Variants in SDK1 observed in about 807,000 individuals in gnomAD.
SDK1 encodes the protein sidekick cell adhesion molecule 1, also known as protein sidekick-1.
A neutral mutation model predicts 245.5 loss-of-function variants in SDK1; 157 were observed. The observed-to-expected ratio is 0.64, with a 90% CI of 0.56 to 0.73. The LOEUF (loss-of-function observed/expected upper bound fraction) is 0.73. Among genes scored for constraint, SDK1 ranks in the 30% least tolerant of loss-of-function variants. The pLI, the probability that SDK1 is intolerant of heterozygous loss-of-function variation, is 0.00. For missense variants in SDK1, 3,583 were observed against 3,002.3 expected, an observed-to-expected ratio of 1.19 and a Z score of -4.52; for synonymous variants, 1,647 against 1,278.5, an observed-to-expected ratio of 1.29 and a Z score of -6.15.
At chr7:4,220,035 G>A (rs1387344405) in intron 38 of SDK1, 74 bp from the exon 39 acceptor site, 16 of 1,514,058 alleles carry the variant, frequency 1.1e-5, no homozygotes, top group East Asian at 4.6e-5. Flanking sequence ...CCTTGTTATC[G>A]CAACAGAACA....
chr7:3,780,518 C>A (rs1275205213), intron 4 of SDK1, among the ~76,000 whole-genome samples: 1 of 152,216 alleles, frequency 6.6e-6, no homozygotes. Flanking sequence ...TAAAGCTAAG[C>A]TGGTTGCCTT....
intron 1 of SDK1, among the ~76,000 whole-genome samples, chr7:3,339,087 A>G (rs1780277756): frequency 6.6e-6 from 1 of 152,222 alleles, no homozygotes; most frequent in Non-Finnish European, 1.5e-5. Context: ...TGACACAGGT[A>G]GGTTGAAAGT....
chr7:3,812,568 T>C (rs1167910570), intron 4 of SDK1, among the ~76,000 whole-genome samples: 1 of 152,200 alleles, frequency 6.6e-6, no homozygotes, highest in Non-Finnish European at 1.5e-5. Flanking sequence ...ACAATGACTC[T>C]CCTAGAAAAG....
intron 1 of SDK1, among the ~76,000 whole-genome samples, chr7:3,453,343 G>A (rs1332140064): frequency 6.6e-6 from 1 of 152,170 alleles, no homozygotes; most frequent in Non-Finnish European, 1.5e-5. Flanking sequence ...GCCAAATAAT[G>A]TTATTCCTCA....
At chr7:3,819,851 G>T (rs2115058269) in intron 4 of SDK1, among the ~76,000 whole-genome samples, 1 of 152,162 alleles carries the variant, frequency 6.6e-6, no homozygotes, top group Middle Eastern at 3.4e-3. Flanking sequence ...CTCTGCAAAA[G>T]GTAGCAGGAA....
intron 4 of SDK1, among the ~76,000 whole-genome samples, chr7:3,670,051 C>G (rs149179260): frequency 2.6e-5 from 4 of 152,320 alleles, no homozygotes; most frequent in Admixed American, 6.5e-5. Flanking sequence ...CACAAATCTA[C>G]TCACATCATT....
chr7:4,246,190 G>C (rs1369277010), intron 44 of SDK1, among the ~76,000 whole-genome samples: 1 of 152,232 alleles, frequency 6.6e-6, no homozygotes. Flanking sequence ...TGCAGTGAGA[G>C]ATAGGCAAGG....
chr7:3,879,219 A>C (rs1781147810), intron 5 of SDK1, among the ~76,000 whole-genome samples: 2 of 152,192 alleles, frequency 1.3e-5, no homozygotes, highest in African/African-American at 4.8e-5. Context: ...TAAGGACAAA[A>C]CATGGCGGCT....
At chr7:4,018,493 A>T (rs1786600764) in intron 17 of SDK1, among the ~76,000 whole-genome samples, 2 of 152,246 alleles carry the variant, frequency 1.3e-5, no homozygotes, top group South Asian at 4.1e-4. Flanking sequence ...TATGCAAGTA[A>T]TTCTTGATTA....
chr7:3,466,405 A>G (rs913581833), intron 1 of SDK1, among the ~76,000 whole-genome samples: 4 of 149,702 alleles, frequency 2.7e-5, no homozygotes, highest in Non-Finnish European at 5.9e-5. Context: ...GAAATGCTGC[A>G]TGCTCACTTG....
In SDK1 at chr7:3,358,187, A is replaced by G. The variant is rs575144360; in HGVS notation, c.298+56303A>G. The stretch of plus-strand genomic sequence containing the variant: ...CAGGCCCATGCCACCACCCCCAGCT[A>G]ATTTTTGTATTTTTAGTAGAGGCAG... On this transcript the variant is annotated intron_variant, in intron 1 of 44. Transcript: ENST00000404826. Among the ~76,000 whole-genome samples, 3 of 151,904 alleles carry G rather than the reference A, an allele frequency of 2.0e-5. No individual in the cohort carries two copies. The South Asian group carries it at 6.3e-4, about 32-fold the overall frequency.
chr7:3,806,451 T>C (rs1224090608), intron 4 of SDK1, among the ~76,000 whole-genome samples: 1 of 152,252 alleles, frequency 6.6e-6, no homozygotes, highest in Non-Finnish European at 1.5e-5. Flanking sequence ...AACAGACGGC[T>C]AAAGAGTTGG....
Position 3,838,120 on chromosome 7 carries a change from G to C in SDK1, c.847+16537G>C, listed in dbSNP as rs77633707. 4.6e-3 allele frequency among the ~76,000 whole-genome samples: 699 copies of C among 152,338 alleles called. 7 individuals carry two copies. The highest frequency in any genetic ancestry group is 0.016 in the African/African-American group (655 of 41,580). On this transcript the variant is annotated intron_variant, in intron 5 of 44. Coordinates refer to ENST00000404826, the MANE Select transcript of SDK1 (RefSeq NM_152744.4). ...CCGCTTAGTCATTTGCCAGGCTGTT[G>C]CATTGCATGCATTCATGGTCTATAG...
rs113292731 is a variant in SDK1 at position 3,699,102 on chromosome 7, G to A, written c.713+56997G>A. On this transcript the variant is annotated intron_variant, in intron 4 of 44. Transcript: ENST00000404826. ...CTGCCACCTGGCAGAAATGAAGGGCGGCACTTCTCTTGGATTCCTACTAGT... is the reference window on the plus strand; with the variant it reads ...CTGCCACCTGGCAGAAATGAAGGGCAGCACTTCTCTTGGATTCCTACTAGT... Among the ~76,000 whole-genome samples, 1,309 of 152,228 alleles carry A rather than the reference G, an allele frequency of 8.6e-3. 21 individuals carry two copies. The highest frequency in any genetic ancestry group is 0.029 in the African/African-American group (1,189 of 41,538).
chr7:4,085,018 C>T (rs920797201), intron 22 of SDK1, among the ~76,000 whole-genome samples: 6 of 152,150 alleles, frequency 3.9e-5, no homozygotes, highest in Non-Finnish European at 7.4e-5. Flanking sequence ...CCTGCCTTGG[C>T]CTCCCAAAGT....
intron 1 of SDK1, among the ~76,000 whole-genome samples, chr7:3,582,307 C>T (rs1427623873): frequency 6.7e-6 from 1 of 149,470 alleles, no homozygotes; most frequent in African/African-American, 2.5e-5. Flanking sequence ...AGGTCTCCCT[C>T]AGGTAGGTCT....
At chr7:4,205,632 G>T (rs746802338) in intron 35 of SDK1, among the ~76,000 whole-genome samples, 1 of 152,202 alleles carries the variant, frequency 6.6e-6, no homozygotes, top group African/African-American at 2.4e-5. Flanking sequence ...TAAGAACATC[G>T]TATGGGAAGG....
At chr7:4,242,053 C>T (rs1226226406) in intron 43 of SDK1, 140 bp downstream of exon 43, 5 of 969,054 alleles carry the variant, frequency 5.2e-6, no homozygotes, top group Non-Finnish European at 7.5e-6. Context: ...CAAGTGCGCT[C>T]CCAAACCACC....
chr7:3,764,323 C>T (rs1339819543), intron 4 of SDK1, among the ~76,000 whole-genome samples: 2 of 152,136 alleles, frequency 1.3e-5, no homozygotes, highest in South Asian at 2.1e-4. Flanking sequence ...GACAAAATAC[C>T]CCCCTTTTTT....
Sources: gnomAD v4.1 joint callset for allele counts (sites outside exome capture counted in the v4.1 genomes callset) on GRCh38, gnomAD v4.1.1 for gene constraint, MANE v1.5 for transcripts, NCBI Gene and HGNC (gene_info 2026-07-23, HGNC 2026-07-21) for gene names.